PHACTR1: variants seen among roughly 807,000 people sequenced by gnomAD.
PHACTR1 encodes phosphatase and actin regulator 1, also known as RPEL repeat containing 1.
Under a neutral mutation model 69.2 loss-of-function variants are expected in PHACTR1, and 16 were observed. That is an observed-to-expected ratio of 0.23 (90% confidence interval 0.16 to 0.35). PHACTR1 has a LOEUF of 0.35. Ranked by LOEUF, PHACTR1 falls within the 10% of genes least tolerant of loss-of-function variation. The pLI is 1.00. For missense variants in PHACTR1, 510 were observed against 734.7 expected, an observed-to-expected ratio of 0.69 and a Z score of 3.54; for synonymous variants, 312 against 284.5, an observed-to-expected ratio of 1.10 and a Z score of -0.97.
At chr6:12,718,058 T>C (rs538205745) in intron 2 of PHACTR1, among the ~76,000 whole-genome samples, 2 of 152,334 alleles carry the variant, frequency 1.3e-5, no homozygotes, top group South Asian at 4.1e-4. Context: ...GGGATCACTG[T>C]AATGCTGCAA....
chr6:12,879,770 G>C (rs1305771030), intron 4 of PHACTR1, among the ~76,000 whole-genome samples: 3 of 152,110 alleles, frequency 2.0e-5, no homozygotes, highest in African/African-American at 7.2e-5. Flanking sequence ...GAAATGAAGT[G>C]TCAAGATTTG....
chr6:13,153,833 T>G (rs1174917300), intron 5 of PHACTR1, among the ~76,000 whole-genome samples: 1 of 152,264 alleles, frequency 6.6e-6, no homozygotes, highest in Non-Finnish European at 1.5e-5. Flanking sequence ...TTTACCTTTA[T>G]ATGCTATATT....
chr6:12,946,863 A>T (rs1425110475), intron 4 of PHACTR1, among the ~76,000 whole-genome samples: 1 of 124,144 alleles, frequency 8.1e-6, no homozygotes, highest in Non-Finnish European at 1.6e-5. Context: ...CTCAGGCTGG[A>T]GTGCAGTGGC....
chr6:13,241,081 T>G (rs1772771337), intron 10 of PHACTR1, among the ~76,000 whole-genome samples: 1 of 152,118 alleles, frequency 6.6e-6, no homozygotes, highest in African/African-American at 2.4e-5. Flanking sequence ...GAACAGAGCT[T>G]CCCTCCCAAG....
At chr6:12,979,531 C>T (rs557625058) in intron 4 of PHACTR1, among the ~76,000 whole-genome samples, 1 of 152,270 alleles carries the variant, frequency 6.6e-6, no homozygotes, top group East Asian at 1.9e-4. Context: ...TACTCTCATC[C>T]ACAGAACGGT....
At chr6:13,093,435 A>T (rs1447145607) in intron 5 of PHACTR1, among the ~76,000 whole-genome samples, 1 of 152,228 alleles carries the variant, frequency 6.6e-6, no homozygotes, top group Non-Finnish European at 1.5e-5. Flanking sequence ...ATTAGAAACA[A>T]TCAGCCTCCC....
At chr6:13,247,802 G>A (rs950684208) in intron 10 of PHACTR1, among the ~76,000 whole-genome samples, 5 of 152,090 alleles carry the variant, frequency 3.3e-5, no homozygotes, top group Non-Finnish European at 5.9e-5. Flanking sequence ...TGTAGTCTGC[G>A]ATGATCAAAC....
chr6:13,234,732 A>G (rs992363554), intron 10 of PHACTR1, among the ~76,000 whole-genome samples: 1 of 152,226 alleles, frequency 6.6e-6, no homozygotes, highest in Admixed American at 6.5e-5. Context: ...ACTAAGTCTC[A>G]ATAAGCAAGT....
chr6:13,195,778 A>AAAAAAAAAG (rs1764307396), intron 7 of PHACTR1, among the ~76,000 whole-genome samples: 1 of 149,814 alleles, frequency 6.7e-6, no homozygotes, highest in African/African-American at 2.5e-5. Flanking sequence ...AAAAAAAAAA[A>AAAAAAAAAG]AAGTTCATTT....
chr6:12,945,515 G>C (rs955904365), intron 4 of PHACTR1, among the ~76,000 whole-genome samples: 33 of 152,344 alleles, frequency 2.2e-4, no homozygotes, highest in African/African-American at 7.5e-4. Flanking sequence ...GTGAATGAGT[G>C]AAGAAGATTT....
chr6:13,204,083 A>G (rs868263303), intron 7 of PHACTR1, among the ~76,000 whole-genome samples: 1 of 152,124 alleles, frequency 6.6e-6, no homozygotes, highest in Admixed American at 6.5e-5. Flanking sequence ...TGCCATAGGT[A>G]AGGTTATTTC....
chr6:13,160,866 C>T (rs1442305777), intron 6 of PHACTR1, among the ~76,000 whole-genome samples: 2 of 152,168 alleles, frequency 1.3e-5, no homozygotes, highest in East Asian at 1.9e-4. Context: ...GTGAATACCA[C>T]GTGTCCTTTG....
chr6:13,231,095 GA>G lies in PHACTR1; in HGVS notation c.1391+904del, dbSNP rs1224498432. Among the ~76,000 whole-genome samples, 12 of 63,238 alleles carry G rather than the reference GA, an allele frequency of 1.9e-4. 2 individuals are homozygous for G. The highest frequency in any genetic ancestry group is 3.4e-4 in the African/African-American group (5 of 14,858). The allele number at this position is 63,238 out of a possible 152,430, so 41.5% of individuals were successfully genotyped here. ...AGGAAGGAAGGAAGGAAGAAGGAAG[GA>G]AGGGAAAAGAAAGAAGGAAAGAGAG... On this transcript the variant is annotated intron_variant, in intron 10 of 14. Coordinates refer to ENST00000332995, the MANE Select transcript of PHACTR1 (RefSeq NM_030948.6).
chr6:12,966,511 C>G (rs1793525349), intron 4 of PHACTR1, among the ~76,000 whole-genome samples: 1 of 152,168 alleles, frequency 6.6e-6, no homozygotes, highest in Admixed American at 6.5e-5. Context: ...AAGAGAAGCA[C>G]TAATGTTAAT....
chr6:12,993,086 A>G (rs1291346201), intron 4 of PHACTR1, among the ~76,000 whole-genome samples: 1 of 152,196 alleles, frequency 6.6e-6, no homozygotes, highest in East Asian at 1.9e-4. Context: ...AGCTGCCAGC[A>G]TTCACCTGTG....
intron 5 of PHACTR1, 140 bp downstream of exon 5, chr6:13,053,669 A>C: frequency 9.9e-7 from 1 of 1,007,054 alleles, no homozygotes; most frequent in Non-Finnish European, 1.4e-6. Context: ...TGTCTTTAAA[A>C]TTTTTTCAGT....
At position 13,081,845 on chromosome 6, in the gene PHACTR1, A is replaced by ACCTTCTT. The variant is rs1170225888; in HGVS notation, c.415+28316_415+28317insCCTTCTT. ...CTGTCTCTAAAACAATAAAAACAAGAAGTCAAAGGGAAGCGTGGTTTGTCC... is the reference window on the plus strand; with the variant it reads ...CTGTCTCTAAAACAATAAAAACAAGACCTTCTTAGTCAAAGGGAAGCGTGGTTTGTCC... On this transcript the variant is annotated intron_variant, in intron 5 of 14. Coordinates refer to ENST00000332995, the MANE Select transcript of PHACTR1 (RefSeq NM_030948.6). 5.3e-5 allele frequency among the ~76,000 whole-genome samples: 8 copies of ACCTTCTT among 152,220 alleles called. No homozygotes were observed. The South Asian group carries it at 6.2e-4, about 12-fold the overall frequency.
chr6:12,921,538 AGGGAAAG>A (rs1431035557), intron 4 of PHACTR1, among the ~76,000 whole-genome samples: 1 of 105,842 alleles, frequency 9.4e-6, no homozygotes, highest in Non-Finnish European at 1.9e-5. Context: ...GGGAGGGAGG[AGGGAAAG>A]GAGGAAGGAG....
chr6:13,277,476 T>C (rs1255538411), intron 11 of PHACTR1, among the ~76,000 whole-genome samples: 1 of 152,114 alleles, frequency 6.6e-6, no homozygotes, highest in Non-Finnish European at 1.5e-5. Context: ...CTGCAGCAGG[T>C]TGAGGGCAGT....
Sources: allele counts gnomAD v4.1 joint callset (sites outside exome capture counted in the v4.1 genomes callset), GRCh38; gene constraint gnomAD v4.1.1; transcripts MANE v1.5; gene names NCBI Gene and HGNC (gene_info 2026-07-23, HGNC 2026-07-21).